Variants in DCAF6 observed in about 807,000 individuals in gnomAD.
The protein encoded by DCAF6 is DDB1 and CUL4 associated factor 6.
Under a neutral mutation model 125.1 loss-of-function variants are expected in DCAF6, and 54 were observed. The observed-to-expected ratio is 0.43, with a 90% confidence interval of 0.35 to 0.54. The LOEUF (loss-of-function observed/expected upper bound fraction) is 0.54. Among genes scored for constraint, DCAF6 ranks in the 20% least tolerant of loss-of-function variants. DCAF6 has a pLI of 0.01. For missense variants in DCAF6, 934 were observed against 1,161.7 expected, an observed-to-expected ratio of 0.80 and a Z score of 2.85; for synonymous variants, 371 against 390.4, an observed-to-expected ratio of 0.95 and a Z score of 0.58.
At chr1:168,002,909 A>G (rs12727036) in intron 8 of DCAF6, among the ~76,000 whole-genome samples, 30,847 of 152,102 alleles carry the variant, frequency 0.2, 3,836 homozygotes, top group Admixed American at 0.36. Flanking sequence ...AGATATTAAG[A>G]GAAATGAAAA....
intron 7 of DCAF6, among the ~76,000 whole-genome samples, chr1:168,000,423 T>TA (rs1290569262): frequency 1.3e-5 from 2 of 152,106 alleles, no homozygotes; most frequent in Non-Finnish European, 2.9e-5. Context: ...ACTAAATTTG[T>TA]AAAAAACCAC....
chr1:167,987,691 G>A (rs1167104060), intron 5 of DCAF6, 83 bp downstream of exon 5: 5 of 700,054 alleles, frequency 7.1e-6, no homozygotes, highest in South Asian at 6.2e-5. Flanking sequence ...TTATAATTAA[G>A]GTTATAATTA....
At chr1:168,059,392 A>G (rs996654586) in intron 17 of DCAF6, among the ~76,000 whole-genome samples, 1 of 152,214 alleles carries the variant, frequency 6.6e-6, no homozygotes, top group Non-Finnish European at 1.5e-5. Flanking sequence ...CTCTGTCAGT[A>G]TCATACTTTT....
At chr1:168,072,271 T>C (rs1476584622) in intron 21 of DCAF6, among the ~76,000 whole-genome samples, 2 of 112,406 alleles carry the variant, frequency 1.8e-5, no homozygotes, top group African/African-American at 6.9e-5. Context: ...CACTCCAGCC[T>C]GGTGACAGAG....
chr1:168,043,105 G>A lies in DCAF6; in HGVS notation c.1808G>A (p.Ser603Asn). The change falls in exon 14 of 22, where the codon AGC (serine) becomes AAC (asparagine). Residue 603 changes from serine to asparagine, a missense_variant. By Grantham distance (46) the Ser-to-Asn change is conservative. Coordinates refer to ENST00000367840, the MANE Select transcript of DCAF6 (RefSeq NM_001198956.2). ...EGQEESFVPQ[S>N]SVQPPEGDSE... is the part of the protein sequence containing the mutation. ...CAGGAGGAATCTTTCGTCCCACAGA[G>A]CTCAGTGCAACCACCAGAAGGAGAC... The A allele has an allele frequency of 6.2e-7, 1 of 1,612,888 alleles. No homozygotes were observed. The highest frequency in any genetic ancestry group is 8.5e-7 in the Non-Finnish European group (1 of 1,179,322).
chr1:167,953,894 T>C (rs917786409), intron 2 of DCAF6, among the ~76,000 whole-genome samples: 2 of 152,086 alleles, frequency 1.3e-5, no homozygotes, highest in Non-Finnish European at 2.9e-5. Context: ...CCACTGTTCC[T>C]GGCCCAACAT....
At chr1:167,930,453 C>T in the DCAF6 span, among the ~76,000 whole-genome samples, 2 of 152,070 alleles carry the variant, frequency 1.3e-5, no homozygotes, top group Admixed American at 6.6e-5. Flanking sequence ...AATAATCCAA[C>T]AAGGATAAAA....
chr1:168,001,921 G>A (rs1682694433), intron 7 of DCAF6, among the ~76,000 whole-genome samples: 1 of 152,134 alleles, frequency 6.6e-6, no homozygotes, highest in Admixed American at 6.6e-5. Flanking sequence ...TTTCTCTGAA[G>A]TAGGAGGAAA....
At chr1:168,024,050 T>A (rs1686005020) in intron 12 of DCAF6, 1 of 144,936 alleles carries the variant, frequency 6.9e-6, no homozygotes, top group African/African-American at 2.5e-5. Flanking sequence ...CCCCGTCTCT[T>A]AAAAAAAAAA....
chr1:167,924,890 C>T, the DCAF6 span, among the ~76,000 whole-genome samples: 1 of 152,180 alleles, frequency 6.6e-6, no homozygotes, highest in African/African-American at 2.4e-5. Flanking sequence ...GAAAATGAAC[C>T]CAGTGATAAC....
intron 17 of DCAF6, among the ~76,000 whole-genome samples, chr1:168,062,278 T>G (rs1691692531): frequency 6.6e-6 from 1 of 152,214 alleles, no homozygotes; most frequent in Non-Finnish European, 1.5e-5. Context: ...CTTAGGAGAC[T>G]TCAGGAATTC....
chr1:168,063,637 C>T lies in DCAF6; in HGVS notation c.2317C>T (p.Arg773Cys), dbSNP rs1266932600. 1.8e-5 allele frequency: 28 copies of T among 1,585,008 alleles called. No homozygotes were observed. The highest frequency in any genetic ancestry group is 2.3e-5 in the Non-Finnish European group (27 of 1,168,244). The change falls in exon 18 of 22, where the codon CGT (arginine) becomes TGT (cysteine). Residue 773 changes from arginine to cysteine, a missense_variant. By Grantham distance (180) the Arg-to-Cys change is radical. Coordinates refer to ENST00000367840, the MANE Select transcript of DCAF6 (RefSeq NM_001198956.2). ...DRIMRRSAVA[R>C]IQEFFRRRKE... ...TTCATATAGACGCTCTGCTGTTGCC[C>T]GTATTCAGGAGTTCTTCAGACGGAG... is the stretch of plus-strand genomic sequence containing the variant.
rs1365167635 is a variant in DCAF6, at chr1:168,044,587, G to T, written c.1846G>T (p.Ala616Ser). 1.2e-6 allele frequency: 2 copies of T among 1,610,650 alleles called. No homozygotes were observed. Among genetic ancestry groups the T allele is most frequent in the African/African-American group, 2.7e-5 (2 of 74,950 alleles). The change falls in exon 15 of 22, where the codon GCT becomes TCT. Residue 616 changes from alanine (A) to serine (S), a missense_variant and splice_region_variant. This residue lies in a region of DCAF6 where 559 missense variants were observed against 635.5 expected (regional missense o/e 0.88). Transcript: ENST00000367840. ...ACTGTAATTTGGTTTACTTACAGAA[G>T]CTCCTGAAGAATCATCAGAGGATGT... is the stretch of plus-strand genomic sequence containing the variant. ...QPPEGDSETK[A>S]PEESSEDVTK...
chr1:167,975,109 GAT>G (rs1190951513), intron 4 of DCAF6, 94 bp downstream of exon 4: 1 of 702,676 alleles, frequency 1.4e-6, no homozygotes, highest in African/African-American at 1.9e-5. Context: ...TACATGTACA[GAT>G]GTGTGTGTAT....
chr1:168,061,891 A>G (rs1192050132), intron 17 of DCAF6, among the ~76,000 whole-genome samples: 1 of 152,144 alleles, frequency 6.6e-6, no homozygotes, highest in African/African-American at 2.4e-5. Flanking sequence ...ACTGAGGTCT[A>G]GCAGCTCCTC....
intron 4 of DCAF6, among the ~76,000 whole-genome samples, chr1:167,987,227 A>C (rs1571817381): frequency 6.6e-6 from 1 of 152,158 alleles, no homozygotes; most frequent in African/African-American, 2.4e-5. Flanking sequence ...AGTTGTTAGA[A>C]GTTTATAACT....
chr1:167,891,613 G>A, the DCAF6 span, among the ~76,000 whole-genome samples: 4 of 147,284 alleles, frequency 2.7e-5, no homozygotes, highest in Admixed American at 1.4e-4. Flanking sequence ...CCAAGATTGC[G>A]CCACTGCACT....
intron 12 of DCAF6, among the ~76,000 whole-genome samples, chr1:168,024,675 G>A (rs1298966371): frequency 1.3e-5 from 2 of 151,924 alleles, no homozygotes; most frequent in African/African-American, 2.4e-5. Flanking sequence ...GTGGTGGCCC[G>A]TGCCTGTAAT....
chr1:168,074,048 G>A (rs1693496139), intron 21 of DCAF6, among the ~76,000 whole-genome samples: 1 of 150,634 alleles, frequency 6.6e-6, no homozygotes, highest in South Asian at 2.1e-4. Context: ...ATACTTATTT[G>A]TATTCAATAC....
Sources: gnomAD v4.1 joint callset for allele counts (sites outside exome capture counted in the v4.1 genomes callset) on GRCh38, gnomAD v4.1.1 for gene constraint, gnomAD v4.1.1 regional missense constraint, MANE v1.5 for transcripts, NCBI Gene and HGNC (gene_info 2026-07-23, HGNC 2026-07-21) for gene names.